The following CMIP variants were observed in gnomAD, a reference collection of about 807,000 sequenced individuals.
CMIP encodes c-Maf inducing protein.
A neutral mutation model predicts 97.3 loss-of-function variants in CMIP; 13 were observed. That is an observed-to-expected ratio of 0.13 (90% CI 0.09 to 0.21). The LOEUF (loss-of-function observed/expected upper bound fraction) is 0.21, where lower values mean the gene tolerates loss of function less well. Among genes scored for constraint, CMIP ranks in the 10% least tolerant of loss-of-function variants. CMIP has a pLI of 1.00. For missense variants in CMIP, 847 were observed against 1,024.9 expected (o/e 0.83, Z 2.37); for synonymous variants, 538 against 436.3 (o/e 1.23, Z -2.91).
chr16:81,564,664 G>A (rs186956251), intron 1 of CMIP, among the ~76,000 whole-genome samples: 1 of 152,322 alleles, frequency 6.6e-6, no homozygotes, highest in Non-Finnish European at 1.5e-5. Flanking sequence ...GGGTCGGGCT[G>A]CTCTGGATTT....
intron 3 of CMIP, chr16:81,651,412 C>T: frequency 1.0e-6 from 1 of 981,196 alleles, no homozygotes. Context: ...GGCTTCGACA[C>T]AGCGCCCAAG....
chr16:81,688,031 G>C (rs1242582244), intron 10 of CMIP, among the ~76,000 whole-genome samples: 1 of 152,264 alleles, frequency 6.6e-6, no homozygotes, highest in Non-Finnish European at 1.5e-5. Flanking sequence ...AGGCAGCGCA[G>C]AGCGAATTGC....
intron 1 of CMIP, among the ~76,000 whole-genome samples, chr16:81,604,517 G>A (rs1162243521): frequency 1.3e-5 from 2 of 151,816 alleles, no homozygotes; most frequent in Non-Finnish European, 2.9e-5. Flanking sequence ...GGCCAAGATG[G>A]TGAAACCCCA....
intron 10 of CMIP, among the ~76,000 whole-genome samples, chr16:81,687,924 T>C (rs1237546396): frequency 2.0e-5 from 3 of 152,252 alleles, no homozygotes; most frequent in Non-Finnish European, 2.9e-5. Context: ...ATTGCCATAC[T>C]GCTCCTTGTC....
rs530153429 is a variant in CMIP, at chr16:81,655,670, C to T, written c.640-2105C>T. 8.0e-4 allele frequency among the ~76,000 whole-genome samples: 122 copies of T among 152,256 alleles called. No individual in the cohort carries two copies. Among genetic ancestry groups the T allele is most frequent in the African/African-American group, 2.6e-3 (109 of 41,550 alleles). On this transcript the variant is annotated intron_variant, in intron 4 of 20. Coordinates refer to ENST00000537098, the MANE Select transcript of CMIP (RefSeq NM_198390.3). This position sits in a 1 kb window ranked among gnomAD's most constrained non-coding sequence, Gnocchi z 4.9. The stretch of plus-strand genomic sequence containing the variant: ...GGGTGGCGGCGAGGGATGGATGTGT[C>T]GAGCTGCCCTTGGCAGCCCAAAATA...
At position 81,678,652 on chromosome 16, in the gene CMIP, G is replaced by C. The variant is rs770203255; in HGVS notation, c.1388+24G>C. The C allele has an allele frequency of 7.8e-6, 9 of 1,157,174 alleles. No homozygotes were observed. The South Asian group carries it at 1.1e-4, about 14-fold the overall frequency. The allele number at this position is 1,157,174 out of a possible 1,614,324, so 71.7% of individuals were successfully genotyped here. On this transcript the variant is annotated intron_variant, in intron 10 of 20. Transcript: ENST00000537098. ...CTGTGAGTGCCCCCCCCGCGTGCCCGCCCCCGGGGCCGGTGGGAGGAGACT... is the reference window on the plus strand; with the variant it reads ...CTGTGAGTGCCCCCCCCGCGTGCCCCCCCCCGGGGCCGGTGGGAGGAGACT...
intron 1 of CMIP, among the ~76,000 whole-genome samples, chr16:81,448,030 G>A (rs962392832): frequency 1.3e-5 from 2 of 152,260 alleles, no homozygotes; most frequent in African/African-American, 2.4e-5. Context: ...TGAGAAATAT[G>A]AGCCCAAATA....
At chr16:81,588,022 C>T (rs760129374) in intron 1 of CMIP, among the ~76,000 whole-genome samples, 2 of 152,186 alleles carry the variant, frequency 1.3e-5, no homozygotes, top group Non-Finnish European at 2.9e-5. Context: ...GCTGCCGGCT[C>T]TTGCTTCCCC....
chr16:81,582,019 C>T (rs1214227438), intron 1 of CMIP, among the ~76,000 whole-genome samples: 1 of 152,136 alleles, frequency 6.6e-6, no homozygotes, highest in Non-Finnish European at 1.5e-5. Flanking sequence ...AAGGAGGAGC[C>T]AGCACATCAC....
At chr16:81,692,512 G>C (rs1362693200) in intron 11 of CMIP, among the ~76,000 whole-genome samples, 1 of 152,244 alleles carries the variant, frequency 6.6e-6, no homozygotes, top group African/African-American at 2.4e-5. Context: ...CAAGCCTCGG[G>C]AGGCAGCTGG....
intron 1 of CMIP, among the ~76,000 whole-genome samples, chr16:81,579,945 G>A (rs1420967304): frequency 6.6e-6 from 1 of 152,174 alleles, no homozygotes; most frequent in East Asian, 1.9e-4. Flanking sequence ...GGGCGACAGT[G>A]CGAGACTCCG....
intron 1 of CMIP, among the ~76,000 whole-genome samples, chr16:81,500,129 C>G (rs2089569895): frequency 6.6e-6 from 1 of 152,046 alleles, no homozygotes. Context: ...CAGCCCCAGC[C>G]TCTGGCGACT....
intron 1 of CMIP, among the ~76,000 whole-genome samples, chr16:81,553,328 A>T (rs1352419622): frequency 6.6e-6 from 1 of 152,134 alleles, no homozygotes; most frequent in Non-Finnish European, 1.5e-5. Flanking sequence ...GGCTGCAGGG[A>T]TGTGGGAAAT....
chr16:81,626,889 G>A (rs1445991190), intron 3 of CMIP, among the ~76,000 whole-genome samples: 1 of 149,508 alleles, frequency 6.7e-6, no homozygotes, highest in African/African-American at 2.5e-5. Context: ...ATGTGTGTGT[G>A]TGTGGCCTGT....
intron 14 of CMIP, 169 bp downstream of exon 14, chr16:81,696,836 C>G (rs1356450845): frequency 1.6e-6 from 1 of 638,184 alleles, no homozygotes; most frequent in Admixed American, 3.0e-5. Context: ...GTGACCGTGA[C>G]TGTCACTTAC....
intron 1 of CMIP, among the ~76,000 whole-genome samples, chr16:81,517,428 G>T (rs1361109848): frequency 6.6e-6 from 1 of 152,246 alleles, no homozygotes; most frequent in Non-Finnish European, 1.5e-5. Context: ...ACATGTTATT[G>T]TCTAAGACTC....
In CMIP at chr16:81,699,788, A is replaced by T; in HGVS notation, c.1742A>T (p.Gln581Leu). ...PCMLLALRGN[Q>L]TMVEILCLML... is the part of the protein sequence containing the mutation. ...ATGCTCCTGGCACTGAGGGGGAACC[A>T]GACCATGGTGGAGGTAAGGAGCTGG... Residue 581 changes from glutamine to leucine, a missense_variant, in exon 15 of 21, where the codon CAG becomes CTG. Physicochemically the swap from Gln to Leu is moderately radical, Grantham distance 113. Coordinates refer to ENST00000537098, the MANE Select transcript of CMIP (RefSeq NM_198390.3). The T allele has an allele frequency of 1.2e-6, 2 of 1,611,696 alleles. No individual in the cohort carries two copies. The highest frequency in any genetic ancestry group is 1.7e-6 in the Non-Finnish European group (2 of 1,178,216).
Position 81,627,411 on chromosome 16 carries a change from C to T in CMIP, c.477+6485C>T, listed in dbSNP as rs369854136. On this transcript the variant is annotated intron_variant, in intron 3 of 20. Transcript: ENST00000537098. The surrounding 1 kb of genome is among the most constrained non-coding windows in gnomAD (Gnocchi z 4.6). ...AGGCAGAAGGGATCCTGGTAGGAGC[C>T]CACGCGTGGGAGCCTCTCATGCGCC... 1.1e-4 allele frequency among the ~76,000 whole-genome samples: 16 copies of T among 152,060 alleles called. No individual in the cohort carries two copies. The highest frequency in any genetic ancestry group is 3.9e-4 in the East Asian group (2 of 5,180).
intron 20 of CMIP, among the ~76,000 whole-genome samples, chr16:81,709,311 C>A (rs1908497401): frequency 6.6e-6 from 1 of 152,182 alleles, no homozygotes; most frequent in Admixed American, 6.5e-5. Context: ...ATATACGGTG[C>A]CCTGGGCTTT....
Sources: gnomAD v4.1 joint callset for allele counts (sites outside exome capture counted in the v4.1 genomes callset) on GRCh38, gnomAD v4.1.1 for gene constraint, Gnocchi (gnomAD v3.1) non-coding constraint, MANE v1.5 for transcripts, NCBI Gene and HGNC (gene_info 2026-07-23, HGNC 2026-07-21) for gene names.